COG5: variants seen among roughly 807,000 people sequenced by gnomAD.
COG5 encodes the protein conserved oligomeric Golgi complex subunit 5.
A neutral mutation model predicts 110.4 loss-of-function variants in COG5; 86 were observed. The observed-to-expected ratio is 0.78, with a 90% CI of 0.65 to 0.93. The LOEUF is 0.93. Ranked by LOEUF, COG5 falls within the 40% of genes least tolerant of loss-of-function variation. COG5 has a pLI of 0.00. For missense variants in COG5, 1,077 were observed against 987.0 expected (o/e 1.09, Z -1.22); for synonymous variants, 360 against 334.6 (o/e 1.08, Z -0.83).
At chr7:107,344,581 A>G (rs1055276845) in intron 10 of COG5, among the ~76,000 whole-genome samples, 1 of 152,086 alleles carries the variant, frequency 6.6e-6, no homozygotes, top group Non-Finnish European at 1.5e-5. Context: ...CTGGAGTGCA[A>G]TGGTGCAATC....
At chr7:107,219,189 G>C (rs1285110941) in intron 19 of COG5, among the ~76,000 whole-genome samples, 1 of 152,052 alleles carries the variant, frequency 6.6e-6, no homozygotes, top group Non-Finnish European at 1.5e-5. Flanking sequence ...AAAAATGAAA[G>C]ATTGTGGTGA....
Position 107,563,911 on chromosome 7 carries a change from G to A in COG5, c.-15C>T, listed in dbSNP as rs772850481. On this transcript the variant is annotated 5_prime_UTR_variant, in exon 1 of 22. Transcript: ENST00000297135. ...CCACCTTCCATGTTGGCAGGTGCCG[G>A]GTTGATGTCGTCAGCAGCAGAACGG... The A allele has an allele frequency of 1.9e-5, 30 of 1,613,296 alleles. No individual in the cohort carries two copies. Among genetic ancestry groups the A allele is most frequent in the African/African-American group, 4.0e-5 (3 of 74,934 alleles).
chr7:107,302,412 G>A (rs1807342175), intron 11 of COG5, among the ~76,000 whole-genome samples: 1 of 152,178 alleles, frequency 6.6e-6, no homozygotes, highest in African/African-American at 2.4e-5. Context: ...GCTGTACAAG[G>A]AAACTTTTGG....
chr7:107,508,279 T>C lies in COG5; in HGVS notation c.538+18958A>G, dbSNP rs578142915. Among the ~76,000 whole-genome samples, 505 of 152,308 alleles carry C rather than the reference T, an allele frequency of 3.3e-3. 4 individuals carry two copies. Among genetic ancestry groups the C allele is most frequent in the African/African-American group, 0.011 (472 of 41,574 alleles). Reference sequence around the variant, plus strand: ...TCCTATGCCCACAGAGTCTCGCTGATTGCTAGCACAGCAGTCTGAGATCAA... The same window carrying C: ...TCCTATGCCCACAGAGTCTCGCTGACTGCTAGCACAGCAGTCTGAGATCAA... On this transcript the variant is annotated intron_variant, in intron 6 of 21. Transcript: ENST00000297135.
chr7:107,390,216 G>A (rs191639357), intron 7 of COG5, among the ~76,000 whole-genome samples: 1 of 152,176 alleles, frequency 6.6e-6, no homozygotes, highest in Admixed American at 6.5e-5. Flanking sequence ...TACGCTTATG[G>A]CCTTTATAGT....
At chr7:107,327,575 A>G (rs1436799138) in intron 10 of COG5, among the ~76,000 whole-genome samples, 1 of 152,188 alleles carries the variant, frequency 6.6e-6, no homozygotes, top group Non-Finnish European at 1.5e-5. Flanking sequence ...AGAATATATA[A>G]ATGGCTCTGA....
chr7:107,527,168 A>G, intron 6 of COG5, 69 bp downstream of exon 6: 1 of 1,400,738 alleles, frequency 7.1e-7, no homozygotes, highest in South Asian at 1.3e-5. Context: ...ACAAAAGTCA[A>G]CCAATCAAGT....
chr7:107,438,900 C>T (rs1794534083), intron 6 of COG5, among the ~76,000 whole-genome samples: 1 of 152,134 alleles, frequency 6.6e-6, no homozygotes, highest in Non-Finnish European at 1.5e-5. Flanking sequence ...TCTCCTTTAT[C>T]CCTTCTACCA....
At chr7:107,545,674 G>A (rs1163681724) in intron 5 of COG5, among the ~76,000 whole-genome samples, 1 of 151,590 alleles carries the variant, frequency 6.6e-6, no homozygotes, top group Non-Finnish European at 1.5e-5. Context: ...CAGCTACTCG[G>A]GAGGCTGAGG....
chr7:107,529,024 T>TAAAAAAAAAAAAAAAA (rs58281094), intron 5 of COG5, among the ~76,000 whole-genome samples: 27 of 97,684 alleles, frequency 2.8e-4, no homozygotes, highest in African/African-American at 1.0e-3. Context: ...AATACTTAAA[T>TAAAAAAAAAAAAAAAA]AAAAAAAAAA....
chr7:107,371,689 A>G (rs1814177601), intron 8 of COG5, among the ~76,000 whole-genome samples: 1 of 152,190 alleles, frequency 6.6e-6, no homozygotes, highest in Non-Finnish European at 1.5e-5. Context: ...AAATTAAGAT[A>G]TATTTATTTA....
chr7:107,462,241 G>A (rs558416729), intron 6 of COG5, among the ~76,000 whole-genome samples: 4 of 152,252 alleles, frequency 2.6e-5, no homozygotes, highest in African/African-American at 4.8e-5. Context: ...AGTCAAAACC[G>A]TTAATGAATT....
At chr7:107,281,085 T>C (rs1440348460) in intron 14 of COG5, among the ~76,000 whole-genome samples, 2 of 152,070 alleles carry the variant, frequency 1.3e-5, no homozygotes, top group African/African-American at 2.4e-5. Flanking sequence ...AACTTGCTTG[T>C]CTTCTGAAAG....
intron 6 of COG5, among the ~76,000 whole-genome samples, chr7:107,491,229 G>C (rs1797957482): frequency 6.6e-6 from 1 of 151,900 alleles, no homozygotes; most frequent in Non-Finnish European, 1.5e-5. Context: ...TCACAACTTG[G>C]CATTAATGGA....
intron 7 of COG5, among the ~76,000 whole-genome samples, chr7:107,375,964 G>A (rs1814605212): frequency 6.6e-6 from 1 of 151,870 alleles, no homozygotes; most frequent in African/African-American, 2.4e-5. Context: ...TTCATGCTCA[G>A]AAATACAATT....
Position 107,210,541 on chromosome 7 carries a change from C to A in COG5, c.2360G>T (p.Arg787Met), listed in dbSNP as rs761946629. Residue 787 changes from arginine (R) to methionine (M), a missense_variant, in exon 21 of 22, where the codon AGG becomes ATG. Physicochemically the swap from Arg to Met is moderately conservative, Grantham distance 91 (BLOSUM62 -1). Coordinates refer to ENST00000297135, the MANE Select transcript of COG5 (RefSeq NM_006348.5). Reference sequence around the variant, plus strand: ...CTGGCTTTACCTGATGAGGAGGAGCCTGTCCTTTTCAGATGGATGGTCATC... The same window carrying A: ...CTGGCTTTACCTGATGAGGAGGAGCATGTCCTTTTCAGATGGATGGTCATC... Reference protein sequence around the residue: ...WLDDHPSEKDRLLLIRGALEA... With the variant: ...WLDDHPSEKDMLLLIRGALEA... 28 of 1,600,774 alleles carry A rather than the reference C, an allele frequency of 1.7e-5. 2 individuals carry two copies. The South Asian group carries it at 2.8e-4, about 16-fold the overall frequency.
intron 6 of COG5, among the ~76,000 whole-genome samples, chr7:107,454,161 A>G (rs1248038795): frequency 1.3e-5 from 2 of 152,224 alleles, no homozygotes. Flanking sequence ...GCTTAATAAA[A>G]TATCTAAACA....
chr7:107,456,208 A>T (rs1045594563), intron 6 of COG5, among the ~76,000 whole-genome samples: 16 of 152,186 alleles, frequency 1.1e-4, no homozygotes, highest in South Asian at 4.1e-4. Context: ...CAACCACCAA[A>T]GATTTTCAAT....
At chr7:107,490,743 A>C (rs137904296) in intron 6 of COG5, among the ~76,000 whole-genome samples, 65 of 152,262 alleles carry the variant, frequency 4.3e-4, no homozygotes, top group Non-Finnish European at 7.6e-4. Flanking sequence ...AGTTAGAAAC[A>C]GGGATGGAAA....
Sources: allele counts gnomAD v4.1 joint callset (sites outside exome capture counted in the v4.1 genomes callset), GRCh38; gene constraint gnomAD v4.1.1; transcripts MANE v1.5; gene names NCBI Gene and HGNC (gene_info 2026-07-23, HGNC 2026-07-21).